FREM3: variants seen among roughly 807,000 people sequenced by gnomAD.
FREM3 encodes the protein FRAS1 related extracellular matrix 3.
A neutral mutation model predicts 129.1 loss-of-function variants in FREM3; 105 were observed. That is an observed-to-expected ratio of 0.81 (90% CI 0.69 to 0.96). The LOEUF is 0.96. Ranked by LOEUF, FREM3 falls within the 40% of genes least tolerant of loss-of-function variation. The pLI is 0.00. For synonymous variants in FREM3, 1,014 were observed against 1,044.9 expected, an observed-to-expected ratio of 0.97 and a Z score of 0.57; for missense variants, 2,593 against 2,666.3, an observed-to-expected ratio of 0.97 and a Z score of 0.61.
At chr4:143,583,624 A>AGAGTTTAGG (rs1212577385) in intron 7 of FREM3, among the ~76,000 whole-genome samples, 1 of 152,160 alleles carries the variant, frequency 6.6e-6, no homozygotes, top group Non-Finnish European at 1.5e-5. Flanking sequence ...GAAACTCTAC[A>AGAGTTTAGG]GGCCAGAAGA....
chr4:143,596,326 G>A (rs932144069), intron 6 of FREM3, among the ~76,000 whole-genome samples: 17 of 152,324 alleles, frequency 1.1e-4, no homozygotes, highest in African/African-American at 3.8e-4. Flanking sequence ...AATTATTCAT[G>A]TGAGACATGA....
chr4:143,608,056 C>T (rs1738695719), intron 6 of FREM3, among the ~76,000 whole-genome samples: 1 of 152,174 alleles, frequency 6.6e-6, no homozygotes, highest in Admixed American at 6.5e-5. Flanking sequence ...TCTTGCATCT[C>T]TCTTATAGGG....
At chr4:143,645,096 G>C (rs1412308673) in intron 2 of FREM3, 1 of 152,184 alleles carries the variant, frequency 6.6e-6, no homozygotes, top group Non-Finnish European at 1.5e-5. Flanking sequence ...TTGTACACGA[G>C]AGTCCAGCAG....
intron 2 of FREM3, chr4:143,645,035 A>C (rs144199024): frequency 3.8e-4 from 58 of 152,326 alleles, no homozygotes; most frequent in African/African-American, 1.3e-3. Context: ...ACTAGTGAAA[A>C]GATAACTATT....
At chr4:143,655,267 A>G (rs190739993) in intron 2 of FREM3, among the ~76,000 whole-genome samples, 1 of 152,332 alleles carries the variant, frequency 6.6e-6, no homozygotes, top group Admixed American at 6.5e-5. Flanking sequence ...GAAAGGTGAA[A>G]TTATGTAGAA....
At chr4:143,636,333 CAAA>C (rs35792262) in intron 2 of FREM3, among the ~76,000 whole-genome samples, 3 of 81,456 alleles carry the variant, frequency 3.7e-5, no homozygotes, top group Non-Finnish European at 4.8e-5. Flanking sequence ...GCAGCCTGTC[CAAA>C]AAAAAAAAAA....
At chr4:143,675,066 C>T (rs1740087288) in intron 2 of FREM3, among the ~76,000 whole-genome samples, 2 of 152,178 alleles carry the variant, frequency 1.3e-5, no homozygotes. Flanking sequence ...GAACTCTCCA[C>T]CCCAAATCAA....
chr4:143,683,265 A>G (rs1184084972), intron 2 of FREM3, among the ~76,000 whole-genome samples: 1 of 152,172 alleles, frequency 6.6e-6, no homozygotes, highest in Non-Finnish European at 1.5e-5. Context: ...GCAAGAACAA[A>G]CCAGCAATCC....
chr4:143,597,307 C>T (rs984617965), intron 6 of FREM3, among the ~76,000 whole-genome samples: 5 of 152,046 alleles, frequency 3.3e-5, no homozygotes, highest in African/African-American at 1.2e-4. Context: ...CAACAGTGGA[C>T]GTCAACGGCA....
chr4:143,652,119 T>A (rs1739523109), intron 2 of FREM3, among the ~76,000 whole-genome samples: 1 of 151,434 alleles, frequency 6.6e-6, no homozygotes, highest in African/African-American at 2.4e-5. Flanking sequence ...TAAAAATAAC[T>A]ATTCATTCAA....
intron 6 of FREM3, among the ~76,000 whole-genome samples, chr4:143,598,559 TCTC>T (rs1234844513): frequency 6.6e-6 from 1 of 152,074 alleles, no homozygotes; most frequent in African/African-American, 2.4e-5. Context: ...GTGCTTCTCT[TCTC>T]CTCCTTCCTC....
intron 2 of FREM3, among the ~76,000 whole-genome samples, chr4:143,630,234 G>T (rs2149843645): frequency 1.3e-5 from 2 of 152,224 alleles, no homozygotes; most frequent in African/African-American, 4.8e-5. Flanking sequence ...CAAATTAGGT[G>T]CTCAATAAAT....
Position 143,697,397 on chromosome 4 carries a change from G to C in FREM3, c.3279C>G (p.Leu1093=). The change falls in exon 1 of 8, where the codon CTC becomes CTG. Residue 1093 remains leucine (L), a synonymous_variant. Transcript: ENST00000329798. ...GEKNSLTLQH[L]HVEDVDTHQD... is the part of the protein sequence containing the mutation. ...GATGAGTGTCCACATCTTCAACATG[G>C]AGATGTTGTAAGGTCAAGGAGTTCT... The C allele has an allele frequency of 6.5e-7, 1 of 1,537,040 alleles. No individual in the cohort carries two copies. Among genetic ancestry groups the C allele is most frequent in the South Asian group, 1.2e-5 (1 of 84,042 alleles).
chr4:143,578,143 G>T (rs953976586), intron 7 of FREM3, among the ~76,000 whole-genome samples: 1 of 152,196 alleles, frequency 6.6e-6, no homozygotes, highest in Admixed American at 6.5e-5. Flanking sequence ...ATTATTGAAG[G>T]ATCTCTGAAG....
At chr4:143,592,438 G>A (rs2149835267) in intron 6 of FREM3, among the ~76,000 whole-genome samples, 1 of 152,240 alleles carries the variant, frequency 6.6e-6, no homozygotes, top group East Asian at 1.9e-4. Flanking sequence ...CAGGCCTCGT[G>A]GTGACAAAAT....
intron 6 of FREM3, among the ~76,000 whole-genome samples, chr4:143,605,926 C>T (rs751178313): frequency 5.3e-5 from 8 of 152,142 alleles, no homozygotes; most frequent in Non-Finnish European, 1.2e-4. Context: ...GGGTAGGTTA[C>T]TTATATTGGC....
At chr4:143,671,774 T>G (rs1446703997) in intron 2 of FREM3, among the ~76,000 whole-genome samples, 1 of 152,202 alleles carries the variant, frequency 6.6e-6, no homozygotes. Flanking sequence ...GGAAACTAGG[T>G]GCGAAGAATT....
chr4:143,592,829 A>G (rs1016249751), intron 6 of FREM3, among the ~76,000 whole-genome samples: 1 of 152,124 alleles, frequency 6.6e-6, no homozygotes, highest in Non-Finnish European at 1.5e-5. Context: ...TATCCTGCAG[A>G]GTGTTTTCCA....
At chr4:143,693,656 A>G (rs1740512366) in intron 1 of FREM3, among the ~76,000 whole-genome samples, 1 of 152,254 alleles carries the variant, frequency 6.6e-6, no homozygotes, top group Admixed American at 6.5e-5. Context: ...GCAAATGTTC[A>G]TAGCAGCACT....
Sources: allele counts gnomAD v4.1 joint callset (sites outside exome capture counted in the v4.1 genomes callset), GRCh38; gene constraint gnomAD v4.1.1; transcripts MANE v1.5; gene names NCBI Gene and HGNC (gene_info 2026-07-23, HGNC 2026-07-21).